The following PTCHD4 variants were observed in gnomAD, a reference collection of about 807,000 sequenced individuals.
PTCHD4 encodes the protein patched domain-containing protein 4.
A neutral mutation model predicts 58.1 loss-of-function variants in PTCHD4; 33 were observed. The observed-to-expected ratio is 0.57, with a 90% confidence interval of 0.43 to 0.76. The LOEUF (loss-of-function observed/expected upper bound fraction) is 0.76. Ranked by LOEUF, PTCHD4 falls within the 30% of genes least tolerant of loss-of-function variation. The pLI, the probability that PTCHD4 is intolerant of heterozygous loss-of-function variation, is 0.00. For missense variants in PTCHD4, 1,058 were observed against 1,027.1 expected, an observed-to-expected ratio of 1.03 and a Z score of -0.41; for synonymous variants, 478 against 409.6, an observed-to-expected ratio of 1.17 and a Z score of -2.02.
chr6:47,915,604 A>T (rs2113874927), intron 4 of PTCHD4, among the ~76,000 whole-genome samples: 1 of 150,178 alleles, frequency 6.7e-6, no homozygotes, highest in African/African-American at 2.4e-5. Flanking sequence ...AGAAAACTGA[A>T]GCTGAAAAAG....
intron 3 of PTCHD4, among the ~76,000 whole-genome samples, chr6:48,021,250 A>G (rs1335099317): frequency 1.3e-5 from 2 of 152,158 alleles, no homozygotes; most frequent in South Asian, 4.1e-4. Context: ...ATAATAAAAG[A>G]TAGTATTTTA....
At chr6:47,978,940 T>G (rs1767787809) in intron 4 of PTCHD4, among the ~76,000 whole-genome samples, 1 of 152,188 alleles carries the variant, frequency 6.6e-6, no homozygotes, top group African/African-American at 2.4e-5. Flanking sequence ...GTTATGAATA[T>G]TCTATTCATT....
chr6:48,081,363 T>C (rs1299258880), intron 1 of PTCHD4, among the ~76,000 whole-genome samples: 1 of 152,178 alleles, frequency 6.6e-6, no homozygotes, highest in South Asian at 2.1e-4. Context: ...ATGGTAGATA[T>C]ATAGACTCTG....
At chr6:47,998,500 A>T (rs1202509606) in intron 4 of PTCHD4, among the ~76,000 whole-genome samples, 2 of 152,224 alleles carry the variant, frequency 1.3e-5, no homozygotes, top group Non-Finnish European at 2.9e-5. Flanking sequence ...TAAAATTGTT[A>T]TGTAACAGTA....
chr6:48,068,227 C>A lies in PTCHD4; in HGVS notation c.417+3G>T. The A allele has an allele frequency of 6.4e-7, 1 of 1,556,308 alleles. No individual in the cohort carries two copies. Among genetic ancestry groups the A allele is most frequent in the South Asian group, 1.2e-5 (1 of 82,350 alleles). ...AAGTATAATTATAGCCCTTGTGGTT[C>A]ACCTTCATTTCCAGCACGGCTCGGT... On this transcript the variant is annotated splice_donor_region_variant and intron_variant, in intron 3 of 4. Transcript: ENST00000339488. This position sits in a 1 kb window ranked among gnomAD's most constrained non-coding sequence, Gnocchi z 4.2.
chr6:47,948,515 G>A (rs1035663993), intron 4 of PTCHD4, among the ~76,000 whole-genome samples: 3 of 152,154 alleles, frequency 2.0e-5, no homozygotes, highest in Admixed American at 6.5e-5. Flanking sequence ...TACTTTTTTA[G>A]CTTATTTATT....
intron 3 of PTCHD4, among the ~76,000 whole-genome samples, chr6:48,024,752 C>T (rs753199861): frequency 6.6e-6 from 1 of 151,974 alleles, no homozygotes; most frequent in South Asian, 2.1e-4. Flanking sequence ...GCGTTCTCTG[C>T]AGGCAAGATT....
At chr6:48,098,477 T>C (rs1191303325) in intron 1 of PTCHD4, among the ~76,000 whole-genome samples, 2 of 152,062 alleles carry the variant, frequency 1.3e-5, no homozygotes, top group Non-Finnish European at 2.9e-5. Context: ...TAGCTGGGAT[T>C]ACAGGTGCTC....
intron 3 of PTCHD4, among the ~76,000 whole-genome samples, chr6:48,028,938 T>G (rs1763341867): frequency 2.0e-5 from 3 of 152,106 alleles, no homozygotes; most frequent in Admixed American, 6.6e-5. Context: ...ATATTAAAAA[T>G]AATTCAGTTA....
At chr6:47,900,361 T>G (rs886764872) in intron 4 of PTCHD4, 1 of 152,242 alleles carries the variant, frequency 6.6e-6, no homozygotes, top group African/African-American at 2.4e-5. Flanking sequence ...TTTGCATTTC[T>G]TTAATAACTA....
At chr6:48,071,657 C>T (rs968731845) in intron 1 of PTCHD4, among the ~76,000 whole-genome samples, 2 of 152,128 alleles carry the variant, frequency 1.3e-5, no homozygotes, top group Non-Finnish European at 2.9e-5. Context: ...ATTAAAGAAT[C>T]AATATTAATA....
At chr6:48,066,224 G>A (rs1259859921) in intron 3 of PTCHD4, among the ~76,000 whole-genome samples, 1 of 151,826 alleles carries the variant, frequency 6.6e-6, no homozygotes, top group Non-Finnish European at 1.5e-5. Flanking sequence ...AGAGCATTTA[G>A]TAAATCATAA....
intron 4 of PTCHD4, among the ~76,000 whole-genome samples, chr6:47,884,816 T>G (rs1473216606): frequency 6.6e-6 from 1 of 152,204 alleles, no homozygotes. Flanking sequence ...TCCTGAGGGA[T>G]CAGGGAAAGC....
At chr6:47,924,058 G>T (rs747143217) in intron 4 of PTCHD4, among the ~76,000 whole-genome samples, 1 of 152,140 alleles carries the variant, frequency 6.6e-6, no homozygotes, top group African/African-American at 2.4e-5. Context: ...ATTTCTACCT[G>T]TCTGGGCTTT....
rs1763687230 is a variant in PTCHD4, at chr6:47,870,499, A to G, written c.*7804T>C. On this transcript the variant is annotated 3_prime_UTR_variant, in exon 5 of 5. Transcript: ENST00000339488. The stretch of plus-strand genomic sequence containing the variant: ...TTTGTTTCTATTATAGTTAAGAAAA[A>G]CCTGTTTTGCAAAATGTTTTTTCAC... Among the ~76,000 whole-genome samples the G allele has an allele frequency of 6.6e-6, 1 of 151,588 alleles. No individual in the cohort carries two copies. Among genetic ancestry groups the G allele is most frequent in the East Asian group, 1.9e-4 (1 of 5,148 alleles).
At chr6:48,102,638 A>G (rs1419854755) in intron 1 of PTCHD4, among the ~76,000 whole-genome samples, 1 of 152,216 alleles carries the variant, frequency 6.6e-6, no homozygotes, top group Non-Finnish European at 1.5e-5. Flanking sequence ...GCAGTGCACC[A>G]TGCGTGAGCC....
intron 4 of PTCHD4, among the ~76,000 whole-genome samples, chr6:47,990,231 G>C (rs990387623): frequency 2.0e-5 from 3 of 152,130 alleles, no homozygotes; most frequent in African/African-American, 7.2e-5. Context: ...GATCATAGGC[G>C]GAAGGGACTT....
At chr6:47,983,300 T>A (rs141665252) in intron 4 of PTCHD4, among the ~76,000 whole-genome samples, 2 of 152,290 alleles carry the variant, frequency 1.3e-5, no homozygotes, top group East Asian at 3.9e-4. Flanking sequence ...AAAAGTATGA[T>A]CTAAAAAGTT....
intron 1 of PTCHD4, among the ~76,000 whole-genome samples, chr6:48,091,830 A>T (rs1765371500): frequency 6.6e-6 from 1 of 151,848 alleles, no homozygotes. Flanking sequence ...TTGTATTTTT[A>T]GTAGAGACGG....
Sources: allele counts gnomAD v4.1 joint callset (sites outside exome capture counted in the v4.1 genomes callset), GRCh38; gene constraint gnomAD v4.1.1; non-coding constraint Gnocchi (gnomAD v3.1); transcripts MANE v1.5; gene names NCBI Gene and HGNC (gene_info 2026-07-23, HGNC 2026-07-21).